ERBB2: variants seen among roughly 807,000 people sequenced by gnomAD.
ERBB2 encodes erb-b2 receptor tyrosine kinase 2.
A neutral mutation model predicts 149.0 loss-of-function variants in ERBB2; 61 were observed. The observed-to-expected ratio is 0.41, with a 90% CI of 0.33 to 0.51. The LOEUF is 0.51. ERBB2 is among the 20% of genes least tolerant of loss of function. The pLI, the probability that ERBB2 is intolerant of heterozygous loss-of-function variation, is 0.25. For synonymous variants in ERBB2, 633 were observed against 678.8 expected, an observed-to-expected ratio of 0.93 and a Z score of 1.05; for missense variants, 1,205 against 1,655.1, an observed-to-expected ratio of 0.73 and a Z score of 4.72.
At chr17:39,698,934 T>C (rs1001384880), upstream of ERBB2, among the ~76,000 whole-genome samples, 1 of 150,328 alleles carries the variant, frequency 6.7e-6, no homozygotes. Context: ...TATAAATATG[T>C]CCCATGCAAT....
rs141891072 is a variant in ERBB2 at position 39,702,512 on chromosome 17, A to AT, written c.73+2202dup. 3.1e-3 allele frequency among the ~76,000 whole-genome samples: 476 copies of AT among 152,354 alleles called. 2 individuals carry two copies. Among genetic ancestry groups the AT allele is most frequent in the African/African-American group, 0.011 (452 of 41,582 alleles). On this transcript the variant is annotated intron_variant, in intron 1 of 26. Coordinates refer to ENST00000269571, the MANE Select transcript of ERBB2 (RefSeq NM_004448.4). ...AACTCCTTCATATTTTAATTCCAGT[A>AT]TGATTCTTCCAACAGCCTCCTCTCT...
Position 39,725,266 on chromosome 17 carries a change from ACT to A in ERBB2, c.2650-58_2650-57del. The stretch of plus-strand genomic sequence containing the variant: ...GGAGTGGTGTCTAGCCCATGGGAGA[ACT>A]CTGAGTGGCCACCTCCCCACAACAC... On this transcript the variant is annotated intron_variant, in intron 21 of 26. Transcript: ENST00000269571. The surrounding 1 kb of genome is among the most constrained non-coding windows in gnomAD (Gnocchi z 4.6). The A allele has an allele frequency of 6.2e-7, 1 of 1,612,950 alleles. No homozygotes were observed. Among genetic ancestry groups the A allele is most frequent in the Non-Finnish European group, 8.5e-7 (1 of 1,179,208 alleles).
rs1222267645 is a variant in ERBB2, at chr17:39,709,402, A to G, written c.524A>G (p.Lys175Arg). 11 of 1,613,948 alleles carry G rather than the reference A, an allele frequency of 6.8e-6. No homozygotes were observed. Among genetic ancestry groups the G allele is most frequent in the African/African-American group, 1.3e-5 (1 of 74,890 alleles). The stretch of plus-strand genomic sequence containing the variant: ...ATTTTGTGGAAGGACATCTTCCACA[A>G]GAACAACCAGCTGGCTCTCACACTG... ...DTILWKDIFHKNNQLALTLID... is the reference protein window; with the variant it reads ...DTILWKDIFHRNNQLALTLID... Residue 175 changes from lysine (K) to arginine (R), a missense_variant, in exon 4 of 27, where the codon AAG becomes AGG. By Grantham distance (26) the Lys-to-Arg change is conservative (BLOSUM62 2). This residue lies in a region of ERBB2 where 569 missense variants were observed against 803.5 expected (regional missense o/e 0.71). Coordinates refer to ENST00000269571, the MANE Select transcript of ERBB2 (RefSeq NM_004448.4).
Position 39,709,406 on chromosome 17 carries a change from C to T in ERBB2, c.528C>T (p.Asn176=), listed in dbSNP as rs56114611. ...TILWKDIFHK[N]NQLALTLIDT... is the part of the protein sequence containing the mutation. Reference sequence around the variant, plus strand: ...TGTGGAAGGACATCTTCCACAAGAACAACCAGCTGGCTCTCACACTGATAG... The same window carrying T: ...TGTGGAAGGACATCTTCCACAAGAATAACCAGCTGGCTCTCACACTGATAG... Residue 176 remains asparagine, a synonymous_variant, in exon 4 of 27, where the codon AAC becomes AAT. Coordinates refer to ENST00000269571, the MANE Select transcript of ERBB2 (RefSeq NM_004448.4). 18,161 of 1,614,102 alleles carry T rather than the reference C, an allele frequency of 0.011. 159 individuals carry two copies. Among genetic ancestry groups the T allele is most frequent in the Non-Finnish European group, 0.013 (15,805 of 1,179,990 alleles).
chr17:39,695,172 CA>C (rs1445701966), upstream of ERBB2: 24 of 152,448 alleles, frequency 1.6e-4, 1 homozygote, highest in Admixed American at 1.6e-3. Flanking sequence ...TGGACATGCA[CA>C]AAAGTGAGGT....
upstream of ERBB2, among the ~76,000 whole-genome samples, chr17:39,690,155 G>A (rs370724844): frequency 2.0e-3 from 302 of 152,170 alleles, no homozygotes; most frequent in African/African-American, 6.7e-3. Flanking sequence ...GCATGATCAC[G>A]ACTCACTGCA....
At chr17:39,720,110 T>G in intron 16 of ERBB2, 1 of 462,634 alleles carries the variant, frequency 2.2e-6, no homozygotes, top group Non-Finnish European at 4.0e-6. Flanking sequence ...CAAAGTTCAA[T>G]TCCTTGGAAG....
intron 14 of ERBB2, 45 bp from the exon 15 acceptor site, chr17:39,717,275 G>A (rs2145703350): frequency 6.5e-7 from 1 of 1,531,320 alleles, no homozygotes; most frequent in Non-Finnish European, 8.9e-7. Context: ...ACTGCCCTGG[G>A]GGTGTCAGTG....
At chr17:39,688,128 G>A in exon 1 of ERBB2, 1 of 1,040,856 alleles carries the variant, frequency 9.6e-7, no homozygotes, top group Non-Finnish European at 1.2e-6. Flanking sequence ...AGTCCACACA[G>A]TTTAAATTAA....
In ERBB2 at chr17:39,723,468, G is replaced by T; in HGVS notation, c.2085+11G>T. 1 of 1,614,100 alleles carries T rather than the reference G, an allele frequency of 6.2e-7. No homozygotes were observed. The highest frequency in any genetic ancestry group is 8.5e-7 in the Non-Finnish European group (1 of 1,180,012). On this transcript the variant is annotated intron_variant, in intron 17 of 26. Coordinates refer to ENST00000269571, the MANE Select transcript of ERBB2 (RefSeq NM_004448.4). This position sits in a 1 kb window ranked among gnomAD's most constrained non-coding sequence, Gnocchi z 6.2. Reference sequence around the variant, plus strand: ...CTGCAGGAAACGGAGGTGAGGCGGGGTGAAGTCCTCCCAGCCCGCGTGGGG... The same window carrying T: ...CTGCAGGAAACGGAGGTGAGGCGGGTTGAAGTCCTCCCAGCCCGCGTGGGG...
At chr17:39,689,052 T>C (rs2057632444) in intron 2 of ERBB2, among the ~76,000 whole-genome samples, 1 of 152,184 alleles carries the variant, frequency 6.6e-6, no homozygotes, top group South Asian at 2.1e-4. Flanking sequence ...GCCTTGTAGC[T>C]AAGGATCACC....
At position 39,715,289 on chromosome 17, in the gene ERBB2, C is replaced by T. The variant is rs199514902; in HGVS notation, c.1152C>T (p.Asp384=). 31 of 1,613,950 alleles carry T rather than the reference C, an allele frequency of 1.9e-5. 1 individual carries two copies. The Admixed American group carries it at 3.2e-4, about 16-fold the overall frequency. ...LAFLPESFDG[D]PASNTAPLQP... is the part of the protein sequence containing the mutation. ...ACTCCTCTCCTGACCCCTCCAGGGA[C>T]CCAGCCTCCAACACTGCCCCGCTCC... is the stretch of plus-strand genomic sequence containing the variant. Residue 384 remains aspartate, a synonymous_variant, in exon 10 of 27, where the codon GAC becomes GAT. Coordinates refer to ENST00000269571, the MANE Select transcript of ERBB2 (RefSeq NM_004448.4).
upstream of ERBB2, among the ~76,000 whole-genome samples, chr17:39,695,712 C>CACACACACACACACACACAG (rs2057844988): frequency 3.2e-5 from 4 of 123,110 alleles, no homozygotes; most frequent in South Asian, 1.1e-3. Context: ...CATACACACA[C>CACACACACACACACACACAG]ACACACACAC....
In ERBB2 at chr17:39,709,308, C is replaced by T. The variant is rs2058654760; in HGVS notation, c.440-10C>T. ...GGGAAAGGGTCCTCTGATCATTGCT[C>T]ACCCCACAGAGATCTTGAAAGGAGG... On this transcript the variant is annotated splice_polypyrimidine_tract_variant and intron_variant, in intron 3 of 26. Coordinates refer to ENST00000269571, the MANE Select transcript of ERBB2 (RefSeq NM_004448.4). 4 of 1,613,954 alleles carry T rather than the reference C, an allele frequency of 2.5e-6. No homozygotes were observed. Among genetic ancestry groups the T allele is most frequent in the African/African-American group, 2.7e-5 (2 of 74,914 alleles).
chr17:39,709,904 G>A (rs1341734256), intron 5 of ERBB2, 23 bp downstream of exon 5: 2 of 1,610,504 alleles, frequency 1.2e-6, no homozygotes, highest in African/African-American at 2.7e-5. Context: ...GAGGCCTGGA[G>A]TCAGGGAAGG....
In ERBB2 at chr17:39,707,111, G is replaced by A. The variant is rs2058491171; in HGVS notation, c.195G>A (p.Leu65=). Residue 65 remains leucine, a synonymous_variant, in exon 2 of 27, where the codon CTG becomes CTA. Transcript: ENST00000269571. The part of the protein sequence containing the change: ...VVQGNLELTY[L]PTNASLSFLQ... ...AGGGAAACCTGGAACTCACCTACCT[G>A]CCCACCAATGCCAGCCTGTCCTTCC... 6.3e-7 allele frequency: 1 copy of A among 1,597,218 alleles called. No homozygotes were observed.
chr17:39,699,460 T>TAA (rs148416049), upstream of ERBB2: 590 of 1,090,520 alleles, frequency 5.4e-4, no homozygotes, highest in South Asian at 7.3e-4. Flanking sequence ...AAAGTTCGTT[T>TAA]AAAAAAAAAA....
chr17:39,709,408 A>G lies in ERBB2; in HGVS notation c.530A>G (p.Asn177Ser), dbSNP rs776032539. 1.2e-6 allele frequency: 2 copies of G among 1,614,008 alleles called. No homozygotes were observed. Among genetic ancestry groups the G allele is most frequent in the Non-Finnish European group, 1.7e-6 (2 of 1,179,920 alleles). The stretch of plus-strand genomic sequence containing the variant: ...TGGAAGGACATCTTCCACAAGAACA[A>G]CCAGCTGGCTCTCACACTGATAGAC... ...ILWKDIFHKN[N>S]QLALTLIDTN... The change falls in exon 4 of 27, where the codon AAC becomes AGC. Residue 177 changes from asparagine to serine, a missense_variant. This residue lies in a region of ERBB2 where 569 missense variants were observed against 803.5 expected (regional missense o/e 0.71). Coordinates refer to ENST00000269571, the MANE Select transcript of ERBB2 (RefSeq NM_004448.4).
Position 39,727,981 on chromosome 17 carries a change from C to A in ERBB2, c.3705C>A (p.Ser1235Arg), listed in dbSNP as rs4252657. The A allele has an allele frequency of 1.2e-6, 2 of 1,613,174 alleles. No individual in the cohort carries two copies. The highest frequency in any genetic ancestry group is 1.7e-6 in the Non-Finnish European group (2 of 1,179,930). The change falls in exon 27 of 27, where the codon AGC becomes AGA. Residue 1235 changes from serine (S) to arginine (R), a missense_variant. Around this residue, in one of 6 missense-constraint regions of ERBB2, gnomAD observed 312 missense variants for 343.8 expected, o/e 0.91. Transcript: ENST00000269571. This position sits in a 1 kb window ranked among gnomAD's most constrained non-coding sequence, Gnocchi z 4.3. Reference sequence around the variant, plus strand: ...CACCAGAGCGGGGGGCTCCACCCAGCACCTTCAAAGGGACACCTACGGCAG... The same window carrying A: ...CACCAGAGCGGGGGGCTCCACCCAGAACCTTCAAAGGGACACCTACGGCAG... ...QDPPERGAPP[S>R]TFKGTPTAEN...
Sources: allele counts gnomAD v4.1 joint callset (sites outside exome capture counted in the v4.1 genomes callset), GRCh38; gene constraint gnomAD v4.1.1; regional missense constraint gnomAD v4.1.1; non-coding constraint Gnocchi (gnomAD v3.1); transcripts MANE v1.5; gene names NCBI Gene and HGNC (gene_info 2026-07-23, HGNC 2026-07-21).